Variants in FBXL2 observed in about 807,000 individuals in gnomAD.
The protein encoded by FBXL2 is F-box/LRR-repeat protein 2.
Under a neutral mutation model 69.2 loss-of-function variants are expected in FBXL2, and 38 were observed. That is an observed-to-expected ratio of 0.55 (90% CI 0.42 to 0.72). The LOEUF (loss-of-function observed/expected upper bound fraction) is 0.72, where lower values mean the gene tolerates loss of function less well. Among genes scored for constraint, FBXL2 ranks in the 30% least tolerant of loss-of-function variants. The probability of loss-of-function intolerance (pLI) is 0.00; values close to 1 mark genes in which losing one functional copy is unlikely to be tolerated. For synonymous variants in FBXL2, 192 were observed against 201.3 expected, an observed-to-expected ratio of 0.95 and a Z score of 0.39; for missense variants, 354 against 520.3, an observed-to-expected ratio of 0.68 and a Z score of 3.11.
the FBXL2 span, chr3:33,408,666 A>T: frequency 1.3e-6 from 2 of 1,594,082 alleles, no homozygotes; most frequent in Non-Finnish European, 1.7e-6. Flanking sequence ...TTGCACAATG[A>T]AAAGAGAAGC....
At chr3:33,293,297 G>T (rs1376863188) in intron 1 of FBXL2, among the ~76,000 whole-genome samples, 1 of 152,214 alleles carries the variant, frequency 6.6e-6, no homozygotes, top group Non-Finnish European at 1.5e-5. Flanking sequence ...CCTTGTGGCA[G>T]GTTCTATCAC....
At chr3:33,359,747 G>A (rs2041478880) in intron 4 of FBXL2, among the ~76,000 whole-genome samples, 1 of 151,554 alleles carries the variant, frequency 6.6e-6, no homozygotes, top group African/African-American at 2.4e-5. Flanking sequence ...AAGCCCAAGA[G>A]TGAGGCTGGA....
chr3:33,364,788 C>G, intron 5 of FBXL2, 69 bp downstream of exon 5: 2 of 1,229,492 alleles, frequency 1.6e-6, no homozygotes, highest in South Asian at 1.2e-5. Flanking sequence ...ATAAACCAAG[C>G]CTATTACATG....
At chr3:33,421,846 C>T in the FBXL2 span, among the ~76,000 whole-genome samples, 4 of 151,996 alleles carry the variant, frequency 2.6e-5, no homozygotes, top group Admixed American at 6.5e-5. Context: ...GCCAGGAGTT[C>T]GAGCCTGACC....
intron 12 of FBXL2, among the ~76,000 whole-genome samples, chr3:33,393,946 G>A (rs1346581148): frequency 6.6e-6 from 1 of 152,042 alleles, no homozygotes; most frequent in Non-Finnish European, 1.5e-5. Context: ...GAAGAAAGCT[G>A]TTTTTAAAAA....
chr3:33,336,856 G>T (rs1191489040), intron 2 of FBXL2, among the ~76,000 whole-genome samples: 1 of 151,290 alleles, frequency 6.6e-6, no homozygotes, highest in Non-Finnish European at 1.5e-5. Context: ...AGTGAGCCGA[G>T]ATCCCACCAC....
At chr3:33,279,921 T>G (rs1376162230) in intron 1 of FBXL2, among the ~76,000 whole-genome samples, 1 of 152,214 alleles carries the variant, frequency 6.6e-6, no homozygotes, top group African/African-American at 2.4e-5. Flanking sequence ...TGAGCCACTT[T>G]TAAAACCTGG....
intron 2 of FBXL2, among the ~76,000 whole-genome samples, chr3:33,301,968 A>G (rs1225288283): frequency 6.6e-6 from 1 of 152,174 alleles, no homozygotes; most frequent in Non-Finnish European, 1.5e-5. Flanking sequence ...ATAAAATGGG[A>G]ATAGTAATAG....
downstream of FBXL2, chr3:33,388,697 CA>C (rs2043618467): frequency 6.6e-6 from 1 of 152,078 alleles, no homozygotes; most frequent in South Asian, 2.1e-4. Flanking sequence ...CACACGAAAG[CA>C]AAGGGAAAAA....
chr3:33,393,462 T>TAAAAA, intron 12 of FBXL2: 1 of 1,345,758 alleles, frequency 7.4e-7, no homozygotes, highest in Admixed American at 2.2e-5. Context: ...AAACTGAAAT[T>TAAAAA]AAAAAAAAAA....
At chr3:33,388,286 A>AT (rs1489311588), downstream of FBXL2, 1 of 152,592 alleles carries the variant, frequency 6.6e-6, no homozygotes, top group Non-Finnish European at 1.5e-5. Flanking sequence ...CCTTGATTCT[A>AT]TGACACGAAG....
intron 5 of FBXL2, among the ~76,000 whole-genome samples, chr3:33,365,223 T>C (rs2041874237): frequency 6.6e-6 from 1 of 152,104 alleles, no homozygotes; most frequent in Non-Finnish European, 1.5e-5. Context: ...CAGTTAGCAA[T>C]ATATCCTATA....
intron 2 of FBXL2, among the ~76,000 whole-genome samples, chr3:33,342,930 C>G (rs1024918131): frequency 1.4e-4 from 18 of 133,040 alleles, no homozygotes; most frequent in African/African-American, 5.2e-4. Flanking sequence ...TTAGTAGAGA[C>G]GGGGTTTCAC....
chr3:33,393,628 T>TG (rs1243883564), intron 12 of FBXL2, among the ~76,000 whole-genome samples: 9 of 152,244 alleles, frequency 5.9e-5, no homozygotes, highest in Non-Finnish European at 1.0e-4. Flanking sequence ...CTTGAAATCT[T>TG]GAACTACCAA....
chr3:33,375,472 A>C, intron 10 of FBXL2, 54 bp downstream of exon 10: 2 of 1,592,580 alleles, frequency 1.3e-6, no homozygotes, highest in Non-Finnish European at 1.7e-6. Flanking sequence ...GAGTTAACCA[A>C]GAGGGCTTCC....
At chr3:33,408,876 C>A in the FBXL2 span, 1 of 1,252,256 alleles carries the variant, frequency 8.0e-7, no homozygotes, top group South Asian at 1.3e-5. Flanking sequence ...CATGTCTCTT[C>A]AGTCCAATTA....
At chr3:33,284,130 A>C (rs542165128) in intron 1 of FBXL2, among the ~76,000 whole-genome samples, 5 of 152,164 alleles carry the variant, frequency 3.3e-5, no homozygotes, top group South Asian at 4.2e-4. Flanking sequence ...TAGTTCTTTT[A>C]ATTGTGATGT....
chr3:33,355,260 A>G (rs577704368), intron 2 of FBXL2, among the ~76,000 whole-genome samples: 1 of 152,334 alleles, frequency 6.6e-6, no homozygotes, highest in African/African-American at 2.4e-5. Flanking sequence ...AAGAACGTCA[A>G]ATAACCAGGA....
chr3:33,360,865 C>G (rs1321596569), intron 4 of FBXL2, among the ~76,000 whole-genome samples: 1 of 143,638 alleles, frequency 7.0e-6, no homozygotes, highest in Non-Finnish European at 1.5e-5. Flanking sequence ...CATGTCTCCT[C>G]AATTTTGATG....
Sources: gnomAD v4.1 joint callset for allele counts (sites outside exome capture counted in the v4.1 genomes callset) on GRCh38, gnomAD v4.1.1 for gene constraint, MANE v1.5 for transcripts, NCBI Gene and HGNC (gene_info 2026-07-23, HGNC 2026-07-21) for gene names.